SERGEF: variants seen among roughly 807,000 people sequenced by gnomAD.
SERGEF encodes secretion regulating guanine nucleotide exchange factor.
In SERGEF, 51 loss-of-function variants were observed where a neutral mutation model predicts 50.0. The ratio of observed to expected loss-of-function variants is 1.02; its 90% CI spans 0.81 to 1.29. The LOEUF (loss-of-function observed/expected upper bound fraction) is 1.29, where lower values mean the gene tolerates loss of function less well. Among genes scored for constraint, SERGEF ranks in the 50% most tolerant of loss-of-function variants. The probability of loss-of-function intolerance (pLI) is 0.00; values close to 1 mark genes in which losing one functional copy is unlikely to be tolerated. For synonymous variants in SERGEF, 205 were observed against 212.4 expected, an observed-to-expected ratio of 0.97 and a Z score of 0.30; for missense variants, 521 against 557.0, an observed-to-expected ratio of 0.94 and a Z score of 0.65.
At chr11:17,810,951 G>A (rs944490593) in intron 10 of SERGEF, among the ~76,000 whole-genome samples, 1 of 152,186 alleles carries the variant, frequency 6.6e-6, no homozygotes, top group Non-Finnish European at 1.5e-5. Context: ...AGAGATTTCT[G>A]CATCCAGTAT....
chr11:17,896,769 G>GGAAGC (rs1565198054), intron 9 of SERGEF, among the ~76,000 whole-genome samples: 33 of 117,444 alleles, frequency 2.8e-4, no homozygotes, highest in African/African-American at 1.1e-3. Context: ...GGAAGGGAAG[G>GGAAGC]GTAAGGGAAG....
In SERGEF at chr11:18,004,463, C is replaced by T. The variant is rs750134618; in HGVS notation, c.425G>A (p.Cys142Tyr). ...QLGVPHGPRRCVVPQAIELHK... is the reference protein window; with the variant it reads ...QLGVPHGPRRYVVPQAIELHK... ...CACCTCAATGGCCTGGGGAACCACA[C>T]ATCTTCGAGGTCCATGAGGAACTCC... Residue 142 changes from cysteine to tyrosine, a missense_variant, in exon 4 of 11, where the codon TGT becomes TAT. By Grantham distance (194) the Cys-to-Tyr change is radical. Coordinates refer to ENST00000265965, the MANE Select transcript of SERGEF (RefSeq NM_012139.4). 6 of 1,613,840 alleles carry T rather than the reference C, an allele frequency of 3.7e-6. No homozygotes were observed. Among genetic ancestry groups the T allele is most frequent in the Non-Finnish European group, 5.1e-6 (6 of 1,179,838 alleles).
At chr11:17,852,077 C>G (rs1292483418) in intron 10 of SERGEF, among the ~76,000 whole-genome samples, 1 of 152,206 alleles carries the variant, frequency 6.6e-6, no homozygotes, top group Non-Finnish European at 1.5e-5. Flanking sequence ...AAAGTAAAAA[C>G]TGCTGAGAGT....
At chr11:17,849,234 A>G (rs1209497482) in intron 10 of SERGEF, among the ~76,000 whole-genome samples, 1 of 152,068 alleles carries the variant, frequency 6.6e-6, no homozygotes. Flanking sequence ...CAAATCTTAC[A>G]TTGTCTTACC....
intron 9 of SERGEF, among the ~76,000 whole-genome samples, chr11:17,958,029 C>T (rs1360310082): frequency 2.6e-5 from 4 of 152,138 alleles, no homozygotes; most frequent in Non-Finnish European, 2.9e-5. Context: ...TAAGTAGTTT[C>T]ATTATTATTA....
intron 1 of SERGEF, 177 bp downstream of exon 1, chr11:18,012,774 T>TGCCCCCCC: frequency 7.8e-7 from 1 of 1,285,090 alleles, no homozygotes; most frequent in Non-Finnish European, 1.1e-6. Flanking sequence ...GACCCTTCCT[T>TGCCCCCCC]CCCCGCCCGC....
chr11:17,922,449 A>C lies in SERGEF; in HGVS notation c.1011+37021T>G, dbSNP rs185102921. Among the ~76,000 whole-genome samples the C allele has an allele frequency of 2.5e-3, 380 of 152,354 alleles. 2 individuals are homozygous for C. The highest frequency in any genetic ancestry group is 0.014 in the Middle Eastern group (4 of 294). ...TCAGAACAAGGAAGAGAAAGTAAAA[A>C]GAACCTGACCCTTTGCAGAAAACAT... On this transcript the variant is annotated intron_variant, in intron 9 of 10. Transcript: ENST00000265965.
Position 18,007,948 on chromosome 11 carries a change from A to G in SERGEF, c.189T>C (p.Val63=), listed in dbSNP as rs1404916071. The G allele has an allele frequency of 3.1e-6, 5 of 1,612,610 alleles. No homozygotes were observed. Among genetic ancestry groups the G allele is most frequent in the Non-Finnish European group, 3.4e-6 (4 of 1,179,384 alleles). ...ACTTTTGAAGGAAATTACCTGTGAC[A>G]ACTGCAGAGTGGCCCCCTCCTCCTG... The part of the protein sequence containing the change: ...RITGGGGHSA[V]VTDGGDLFVC... Residue 63 remains valine (V), a synonymous_variant, in exon 2 of 11, where the codon GTT becomes GTC. Transcript: ENST00000265965.
chr11:17,864,810 C>T (rs967649085), intron 10 of SERGEF, among the ~76,000 whole-genome samples: 2 of 152,200 alleles, frequency 1.3e-5, no homozygotes, highest in Non-Finnish European at 2.9e-5. Flanking sequence ...ATAGCACAAG[C>T]TAAACTTGAG....
chr11:17,819,350 A>AT (rs1850034002), intron 10 of SERGEF, among the ~76,000 whole-genome samples: 1 of 152,258 alleles, frequency 6.6e-6, no homozygotes, highest in Admixed American at 6.5e-5. Flanking sequence ...TTTGGAAACA[A>AT]TTGCTCTGCT....
chr11:17,943,883 A>T (rs943993399), intron 9 of SERGEF, among the ~76,000 whole-genome samples: 1 of 152,168 alleles, frequency 6.6e-6, no homozygotes, highest in African/African-American at 2.4e-5. Context: ...TCAACGTTTC[A>T]CTAGCTTTGC....
intron 9 of SERGEF, among the ~76,000 whole-genome samples, chr11:17,880,368 C>T (rs1159550671): frequency 1.3e-5 from 2 of 152,234 alleles, no homozygotes; most frequent in Admixed American, 6.5e-5. Context: ...GATTGAAGAA[C>T]TGGAGAAAAC....
chr11:17,917,849 T>C (rs1852078350), intron 9 of SERGEF, among the ~76,000 whole-genome samples: 1 of 152,214 alleles, frequency 6.6e-6, no homozygotes, highest in African/African-American at 2.4e-5. Context: ...CCCCAGGTGA[T>C]TCATATGCAC....
At chr11:17,805,670 A>T (rs761128677) in intron 10 of SERGEF, among the ~76,000 whole-genome samples, 46 of 152,198 alleles carry the variant, frequency 3.0e-4, no homozygotes, top group Non-Finnish European at 5.7e-4. Flanking sequence ...TCATATCCTA[A>T]AAGAACTACA....
chr11:17,978,495 T>C (rs1464583539), intron 8 of SERGEF, among the ~76,000 whole-genome samples: 2 of 152,140 alleles, frequency 1.3e-5, no homozygotes, highest in East Asian at 3.9e-4. Flanking sequence ...TGCACATTGC[T>C]TTTGCTGTGA....
intron 10 of SERGEF, among the ~76,000 whole-genome samples, chr11:17,846,091 G>C (rs532618003): frequency 5.0e-4 from 76 of 152,316 alleles, no homozygotes; most frequent in African/African-American, 1.8e-3. Flanking sequence ...GGCCCCTAAA[G>C]GGATGGTGCT....
chr11:17,932,917 A>C (rs1392155072), intron 9 of SERGEF, among the ~76,000 whole-genome samples: 1 of 152,182 alleles, frequency 6.6e-6, no homozygotes, highest in African/African-American at 2.4e-5. Context: ...TCATGTAATA[A>C]AAAGTGCTCA....
At position 17,967,455 on chromosome 11, in the gene SERGEF, T is replaced by A. The variant is rs1036804916; in HGVS notation, c.845-7819A>T. 4.6e-5 allele frequency among the ~76,000 whole-genome samples: 7 copies of A among 152,342 alleles called. No homozygotes were observed. In the East Asian group the frequency reaches 1.3e-3, roughly 29 times the overall value. On this transcript the variant is annotated intron_variant, in intron 8 of 10. Transcript: ENST00000265965. Reference sequence around the variant, plus strand: ...GAGCTTCATCCATCCTTGACCTATATGGCAAAGGTCAGATTCCCAAAACAT... The same window carrying A: ...GAGCTTCATCCATCCTTGACCTATAAGGCAAAGGTCAGATTCCCAAAACAT...
chr11:17,864,141 G>A lies in SERGEF; in HGVS notation c.1048+14067C>T, dbSNP rs974737552. 1.1e-4 allele frequency among the ~76,000 whole-genome samples: 17 copies of A among 152,260 alleles called. No individual in the cohort carries two copies. In the East Asian group the frequency reaches 1.2e-3, roughly 10 times the overall value. On this transcript the variant is annotated intron_variant, in intron 10 of 10. Coordinates refer to ENST00000265965, the MANE Select transcript of SERGEF (RefSeq NM_012139.4). ...TTGAGTTCACATTAGATTTACTTTCGCAAGGCCTCAAGCCTCTTGAGTAAC... is the reference window on the plus strand; with the variant it reads ...TTGAGTTCACATTAGATTTACTTTCACAAGGCCTCAAGCCTCTTGAGTAAC...
Sources: gnomAD v4.1 joint callset for allele counts (sites outside exome capture counted in the v4.1 genomes callset) on GRCh38, gnomAD v4.1.1 for gene constraint, MANE v1.5 for transcripts, NCBI Gene and HGNC (gene_info 2026-07-23, HGNC 2026-07-21) for gene names.